The following CNTNAP2 variants were observed in gnomAD, a reference collection of about 807,000 sequenced individuals.
CNTNAP2 encodes the protein contactin associated protein 2.
In CNTNAP2, 98 loss-of-function variants were observed where a neutral mutation model predicts 155.2. The observed-to-expected ratio is 0.63, with a 90% CI of 0.54 to 0.75. The LOEUF is 0.75. Ranked by LOEUF, CNTNAP2 falls within the 30% of genes least tolerant of loss-of-function variation. The probability of loss-of-function intolerance (pLI) is 0.00; values close to 1 mark genes in which losing one functional copy is unlikely to be tolerated. For synonymous variants in CNTNAP2, 651 were observed against 631.2 expected (o/e 1.03, Z -0.47); for missense variants, 1,727 against 1,688.1 (o/e 1.02, Z -0.40).
chr7:146,803,972 G>A (rs1802924892), intron 2 of CNTNAP2, among the ~76,000 whole-genome samples: 1 of 152,136 alleles, frequency 6.6e-6, no homozygotes, highest in Non-Finnish European at 1.5e-5. Flanking sequence ...TTAATTCTTT[G>A]AGGCTAAAGT....
At chr7:146,911,925 A>G (rs1179719481) in intron 3 of CNTNAP2, among the ~76,000 whole-genome samples, 1 of 152,210 alleles carries the variant, frequency 6.6e-6, no homozygotes. Flanking sequence ...ATAGAGAGGT[A>G]TAAATATTTA....
chr7:146,232,310 T>TA (rs201234394), intron 1 of CNTNAP2, among the ~76,000 whole-genome samples: 2,294 of 75,482 alleles, frequency 0.03, 51 homozygotes, highest in African/African-American at 0.076. Context: ...TATATAATTT[T>TA]AATTGACAGA....
intron 2 of CNTNAP2, among the ~76,000 whole-genome samples, chr7:146,811,969 G>A (rs1803074041): frequency 6.6e-6 from 1 of 152,068 alleles, no homozygotes; most frequent in Non-Finnish European, 1.5e-5. Flanking sequence ...GAACTGTGAG[G>A]CAATTAAACC....
At chr7:146,705,734 T>A (rs1447851271) in intron 1 of CNTNAP2, among the ~76,000 whole-genome samples, 3 of 151,932 alleles carry the variant, frequency 2.0e-5, no homozygotes, top group Non-Finnish European at 2.9e-5. Context: ...TATAAAACCA[T>A]CAGATCTCAT....
At chr7:147,695,808 A>T (rs956789770) in intron 13 of CNTNAP2, among the ~76,000 whole-genome samples, 3 of 152,176 alleles carry the variant, frequency 2.0e-5, no homozygotes, top group African/African-American at 7.2e-5. Flanking sequence ...TCTCAAAAAA[A>T]ATAAAAAACT....
At chr7:146,559,847 C>T (rs923767206) in intron 1 of CNTNAP2, among the ~76,000 whole-genome samples, 4 of 46,816 alleles carry the variant, frequency 8.5e-5, no homozygotes, top group Non-Finnish European at 1.4e-4. Flanking sequence ...ATTTAAATTA[C>T]ATACAAAAAA....
At chr7:146,576,811 C>T (rs1798532829) in intron 1 of CNTNAP2, among the ~76,000 whole-genome samples, 1 of 152,004 alleles carries the variant, frequency 6.6e-6, no homozygotes, top group Non-Finnish European at 1.5e-5. Flanking sequence ...TGGATCATGA[C>T]CATTTTTCTA....
intron 12 of CNTNAP2, among the ~76,000 whole-genome samples, chr7:147,597,008 G>T (rs1800837705): frequency 6.6e-6 from 1 of 152,114 alleles, no homozygotes; most frequent in Admixed American, 6.5e-5. Flanking sequence ...CCAGGGAATT[G>T]CCCACCCCTT....
chr7:147,508,907 G>A (rs117125375), intron 11 of CNTNAP2, among the ~76,000 whole-genome samples: 2,389 of 152,138 alleles, frequency 0.016, 24 homozygotes, highest in Non-Finnish European at 0.025. Context: ...ACTCAGTCTC[G>A]GATATTTCTT....
rs148673207 is a variant in CNTNAP2 at position 146,860,463 on chromosome 7, C to T, written c.402+20559C>T. On this transcript the variant is annotated intron_variant, in intron 3 of 23. Transcript: ENST00000361727. The stretch of plus-strand genomic sequence containing the variant: ...GGCATTTCCATTGACAGAGATCCTG[C>T]TATGTGGCAGGCAGTGTGCCAAATA... Among the ~76,000 whole-genome samples the T allele has an allele frequency of 8.5e-5, 13 of 152,188 alleles. No individual in the cohort carries two copies. In the East Asian group the frequency reaches 2.3e-3, roughly 27 times the overall value.
chr7:147,660,179 T>C (rs1187511090), intron 13 of CNTNAP2, among the ~76,000 whole-genome samples: 2 of 151,978 alleles, frequency 1.3e-5, no homozygotes, highest in African/African-American at 4.8e-5. Flanking sequence ...CAAACTGTTT[T>C]GATAAATAAA....
chr7:147,237,049 C>A (rs1161177308), intron 8 of CNTNAP2, among the ~76,000 whole-genome samples: 1 of 57,484 alleles, frequency 1.7e-5, no homozygotes, highest in Non-Finnish European at 3.4e-5. Flanking sequence ...TTCACCTCCT[C>A]TTTTTTTTTT....
intron 8 of CNTNAP2, among the ~76,000 whole-genome samples, chr7:147,132,752 T>C (rs148604413): frequency 6.6e-6 from 1 of 152,252 alleles, no homozygotes; most frequent in East Asian, 1.9e-4. Context: ...AATCTATTCC[T>C]TACCAATGCT....
intron 1 of CNTNAP2, among the ~76,000 whole-genome samples, chr7:146,489,980 A>G (rs1405861402): frequency 6.6e-6 from 1 of 152,162 alleles, no homozygotes; most frequent in Non-Finnish European, 1.5e-5. Flanking sequence ...TATATGTAAA[A>G]TCAGTGATGG....
At chr7:147,101,873 C>T (rs1584843789) in intron 4 of CNTNAP2, among the ~76,000 whole-genome samples, 1 of 152,218 alleles carries the variant, frequency 6.6e-6, no homozygotes, top group Admixed American at 6.5e-5. Context: ...CACGGCAGGC[C>T]AGGGTGGTTT....
chr7:146,162,652 A>G (rs1464405905), intron 1 of CNTNAP2, among the ~76,000 whole-genome samples: 3 of 152,232 alleles, frequency 2.0e-5, no homozygotes, highest in Non-Finnish European at 4.4e-5. Flanking sequence ...CAATCCCATT[A>G]CTGGGTATAT....
intron 11 of CNTNAP2, among the ~76,000 whole-genome samples, chr7:147,506,260 T>C (rs2116679141): frequency 6.6e-6 from 1 of 152,236 alleles, no homozygotes; most frequent in South Asian, 2.1e-4. Flanking sequence ...TTTGTTCTGT[T>C]TGTTTTTTGT....
intron 4 of CNTNAP2, among the ~76,000 whole-genome samples, chr7:147,076,871 C>T (rs1490729327): frequency 6.6e-6 from 1 of 152,118 alleles, no homozygotes; most frequent in Non-Finnish European, 1.5e-5. Context: ...TTGTGAAGGT[C>T]AAACTAGCTA....
chr7:148,327,193 C>T (rs1009664168), intron 21 of CNTNAP2, among the ~76,000 whole-genome samples: 5 of 152,144 alleles, frequency 3.3e-5, no homozygotes, highest in Admixed American at 3.3e-4. Context: ...CTGCAGTGGC[C>T]CGTGGGCAGC....
Sources: gnomAD v4.1 joint callset for allele counts (sites outside exome capture counted in the v4.1 genomes callset) on GRCh38, gnomAD v4.1.1 for gene constraint, MANE v1.5 for transcripts, NCBI Gene and HGNC (gene_info 2026-07-23, HGNC 2026-07-21) for gene names.